COL5A1: variants seen among roughly 807,000 people sequenced by gnomAD.
The protein encoded by COL5A1 is collagen type V alpha 1 chain.
A neutral mutation model predicts 263.7 loss-of-function variants in COL5A1; 16 were observed. The ratio of observed to expected loss-of-function variants is 0.06; its 90% CI spans 0.04 to 0.09. The LOEUF is 0.09. Among genes scored for constraint, COL5A1 ranks in the 10% least tolerant of loss-of-function variants. COL5A1 has a pLI of 1.00. For missense variants in COL5A1, 2,036 were observed against 2,540.5 expected (o/e 0.80, Z 4.27); for synonymous variants, 1,012 against 1,004.5 (o/e 1.01, Z -0.14).
chr9:134,739,008 G>C (rs1796278326), intron 11 of COL5A1, among the ~76,000 whole-genome samples, 200 bp downstream of exon 11: 1 of 152,204 alleles, frequency 6.6e-6, no homozygotes, highest in African/African-American at 2.4e-5. Flanking sequence ...TGGGGAGAGT[G>C]GGGCCCCTCG....
chr9:134,711,149 C>A (rs531458683), intron 4 of COL5A1, among the ~76,000 whole-genome samples: 2 of 152,088 alleles, frequency 1.3e-5, no homozygotes, highest in South Asian at 2.1e-4. Context: ...ATTGTTCGGT[C>A]GGTGGTTTGG....
intron 24 of COL5A1, among the ~76,000 whole-genome samples, chr9:134,768,161 A>G (rs1170551537): frequency 6.6e-6 from 1 of 152,148 alleles, no homozygotes; most frequent in African/African-American, 2.4e-5. Flanking sequence ...TGTGGAGAAG[A>G]ATGGGGGCAC....
intron 4 of COL5A1, among the ~76,000 whole-genome samples, chr9:134,724,907 C>T (rs532454222): frequency 2.0e-4 from 31 of 152,184 alleles, no homozygotes; most frequent in African/African-American, 7.0e-4. Flanking sequence ...TCGGGTGAAC[C>T]AGGCTCGGAT....
At position 134,817,781 on chromosome 9, in the gene COL5A1, C is replaced by T. The variant is rs761962890; in HGVS notation, c.4180C>T (p.Pro1394Ser). 1.9e-6 allele frequency: 3 copies of T among 1,611,942 alleles called. No homozygotes were observed. The highest frequency in any genetic ancestry group is 2.5e-6 in the Non-Finnish European group (3 of 1,179,054). ...GPSGPPGKRG[P>S]PGPAGPEGRQ... ...GCTGTTCTCTTGCTTCTTTCAGGGTCCCCCAGGCCCCGCAGGCCCCGAAGG... is the reference window on the plus strand; with the variant it reads ...GCTGTTCTCTTGCTTCTTTCAGGGTTCCCCAGGCCCCGCAGGCCCCGAAGG... Residue 1394 changes from proline to serine, a missense_variant, in exon 54 of 66, where the codon CCC becomes TCC. Physicochemically the swap from Pro to Ser is moderately conservative, Grantham distance 74. Around this residue, in one of 3 missense-constraint regions of COL5A1, gnomAD observed 1,078 missense variants for 1,521.4 expected, o/e 0.71. Transcript: ENST00000371817.
intron 2 of COL5A1, 65 bp downstream of exon 2, chr9:134,691,144 G>T: frequency 6.2e-7 from 1 of 1,601,844 alleles, no homozygotes; most frequent in Non-Finnish European, 8.5e-7. Flanking sequence ...CCAGCCAGGA[G>T]CAGCGCTCAA....
chr9:134,814,814 G>A lies in COL5A1; in HGVS notation c.3924G>A (p.Arg1308=). Residue 1308 remains arginine (R), a synonymous_variant, in exon 50 of 66, where the codon AGG becomes AGA. Transcript: ENST00000371817. ...EGGPPGPKGE[R]GEKGESGPSG... is the part of the protein sequence containing the mutation. ...TCCTCCAGGGACCCAAAGGAGAAAG[G>A]GGAGAGAAGGGCGAGTCAGGCCCTT... 6.4e-7 allele frequency: 1 copy of A among 1,552,124 alleles called. No individual in the cohort carries two copies. Among genetic ancestry groups the A allele is most frequent in the Non-Finnish European group, 8.7e-7 (1 of 1,147,318 alleles).
Position 134,821,134 on chromosome 9 carries a change from C to T in COL5A1, c.4554+911C>T, listed in dbSNP as rs1194831884. Among the ~76,000 whole-genome samples the T allele has an allele frequency of 6.6e-6, 1 of 152,156 alleles. No individual in the cohort carries two copies. The highest frequency in any genetic ancestry group is 1.5e-5 in the Non-Finnish European group (1 of 68,018). ...CTCTGCCGGTATCCCCAGGCCACAG[C>T]AGGGTCGTCGGAGGAGTGCCGCCCA... is the stretch of plus-strand genomic sequence containing the variant. On this transcript the variant is annotated intron_variant, in intron 58 of 65. Coordinates refer to ENST00000371817, the MANE Select transcript of COL5A1 (RefSeq NM_000093.5). The surrounding 1 kb of genome is among the most constrained non-coding windows in gnomAD (Gnocchi z 4.2).
intron 17 of COL5A1, 96 bp downstream of exon 17, chr9:134,756,914 C>G (rs1439412986): frequency 8.2e-7 from 1 of 1,222,584 alleles, no homozygotes; most frequent in Non-Finnish European, 1.2e-6. Flanking sequence ...GTGATGACTA[C>G]GATTATGATG....
rs1401680956 is a variant in COL5A1 at position 134,815,591 on chromosome 9, C to G, written c.4030C>G (p.Pro1344Ala). The G allele has an allele frequency of 6.2e-7, 1 of 1,613,592 alleles. No homozygotes were observed. Among genetic ancestry groups the G allele is most frequent in the Non-Finnish European group, 8.5e-7 (1 of 1,179,920 alleles). ...PKGSPGPVGF[P>A]GDPGPPGEPG... ...TTCCTTTCAGGGCCCAGTGGGTTTTCCTGGAGATCCTGGCCCCCCCGGAGA... is the reference window on the plus strand; with the variant it reads ...TTCCTTTCAGGGCCCAGTGGGTTTTGCTGGAGATCCTGGCCCCCCCGGAGA... Residue 1344 changes from proline to alanine, a missense_variant, in exon 51 of 66, where the codon CCT becomes GCT. Around this residue, in one of 3 missense-constraint regions of COL5A1, gnomAD observed 1,078 missense variants for 1,521.4 expected, o/e 0.71. Transcript: ENST00000371817.
At chr9:134,761,760 G>T (rs1836452303) in intron 18 of COL5A1, among the ~76,000 whole-genome samples, 165 bp from the exon 19 acceptor site, 1 of 152,182 alleles carries the variant, frequency 6.6e-6, no homozygotes, top group Non-Finnish European at 1.5e-5. Flanking sequence ...CATTAGCCCG[G>T]CTGAGGCACA....
In COL5A1 at chr9:134,741,114, G is replaced by A. The variant is rs903493200; in HGVS notation, c.1494+2306G>A. 6.6e-6 allele frequency among the ~76,000 whole-genome samples: 1 copy of A among 152,176 alleles called. No homozygotes were observed. Among genetic ancestry groups the A allele is most frequent in the African/African-American group, 2.4e-5 (1 of 41,442 alleles). On this transcript the variant is annotated intron_variant, in intron 11 of 65. Transcript: ENST00000371817. The surrounding 1 kb of genome is among the most constrained non-coding windows in gnomAD (Gnocchi z 4.5). ...CCCTCTTGATGTCCAGATCTTGCTC[G>A]ATGCCCGCTAATCAGCTGTGAAAGA... is the stretch of plus-strand genomic sequence containing the variant.
chr9:134,823,348 G>A, intron 60 of COL5A1, 68 bp from the exon 61 acceptor site: 1 of 1,558,012 alleles, frequency 6.4e-7, no homozygotes, highest in South Asian at 1.1e-5. Flanking sequence ...CCATTCTAGA[G>A]CTGAAGGTGG....
chr9:134,698,099 A>G (rs770337138), intron 2 of COL5A1, among the ~76,000 whole-genome samples: 5 of 152,192 alleles, frequency 3.3e-5, no homozygotes, highest in African/African-American at 4.8e-5. Flanking sequence ...AACCCCACAA[A>G]AAAACCCAAA....
In COL5A1 at chr9:134,835,916, G is replaced by A. The variant is rs1265592512; in HGVS notation, c.5370+712G>A. ...TGCCCGCGTGTCCTGGAGGTGTTTA[G>A]GGTGCAGCTGTGCCCCAAGAGCCCA... On this transcript the variant is annotated intron_variant, in intron 65 of 65. Transcript: ENST00000371817. Among the ~76,000 whole-genome samples, 6 of 152,310 alleles carry A rather than the reference G, an allele frequency of 3.9e-5. 1 individual carries two copies. Among genetic ancestry groups the A allele is most frequent in the African/African-American group, 1.4e-4 (6 of 41,560 alleles).
chr9:134,827,367 C>T (rs73664155), intron 63 of COL5A1, among the ~76,000 whole-genome samples: 2,623 of 151,954 alleles, frequency 0.017, 53 homozygotes, highest in African/African-American at 0.046. Context: ...GTCCCCTCCC[C>T]CACCTGAAGT....
chr9:134,645,450 C>T (rs978108358), intron 1 of COL5A1, among the ~76,000 whole-genome samples: 1 of 152,224 alleles, frequency 6.6e-6, no homozygotes, highest in Admixed American at 6.5e-5. Context: ...GATGAGTCCC[C>T]AACACTTCCC....
intron 1 of COL5A1, among the ~76,000 whole-genome samples, chr9:134,657,284 G>T (rs1385403431): frequency 1.1e-5 from 1 of 87,436 alleles, no homozygotes; most frequent in Admixed American, 1.1e-4. Flanking sequence ...GGGTGGGGTA[G>T]AGGGGTGCAG....
chr9:134,788,400 G>A (rs962095385), intron 31 of COL5A1, among the ~76,000 whole-genome samples: 2 of 151,692 alleles, frequency 1.3e-5, no homozygotes, highest in African/African-American at 4.9e-5. Flanking sequence ...GGAGGGGTAG[G>A]TGGATAGGTA....
At chr9:134,809,326 G>A (rs747314692) in intron 43 of COL5A1, 36 bp downstream of exon 43, 1 of 1,519,002 alleles carries the variant, frequency 6.6e-7, no homozygotes, top group Non-Finnish European at 9.1e-7. Context: ...GGCTGGGCCT[G>A]GCTGGGCAGA....
Sources: allele counts gnomAD v4.1 joint callset (sites outside exome capture counted in the v4.1 genomes callset), GRCh38; gene constraint gnomAD v4.1.1; regional missense constraint gnomAD v4.1.1; non-coding constraint Gnocchi (gnomAD v3.1); transcripts MANE v1.5; gene names NCBI Gene and HGNC (gene_info 2026-07-23, HGNC 2026-07-21).